The following STARD13 variants were observed in gnomAD, a reference collection of about 807,000 sequenced individuals.
STARD13 encodes the protein stAR-related lipid transfer protein 13.
STARD13 carries 62 observed loss-of-function variants against 106.4 expected under a neutral mutation model. The ratio of observed to expected loss-of-function variants is 0.58; its 90% CI spans 0.48 to 0.72. STARD13 has a LOEUF of 0.72. Among genes scored for constraint, STARD13 ranks in the 30% least tolerant of loss-of-function variants. The pLI, the probability that STARD13 is intolerant of heterozygous loss-of-function variation, is 0.00. For synonymous variants in STARD13, 565 were observed against 553.0 expected (o/e 1.02, Z -0.31); for missense variants, 1,387 against 1,424.0 (o/e 0.97, Z 0.42).
chr13:33,229,584 C>A (rs1246597078), intron 1 of STARD13, among the ~76,000 whole-genome samples: 1 of 152,190 alleles, frequency 6.6e-6, no homozygotes, highest in Non-Finnish European at 1.5e-5. Context: ...CCGTGCCAGG[C>A]ATGGACACGC....
exon 1 of STARD13, chr13:33,350,453 G>A: frequency 1.3e-6 from 2 of 1,513,638 alleles, no homozygotes; most frequent in East Asian, 2.5e-5. Flanking sequence ...GCTCTCCACC[G>A]CCACTCCCGC....
the STARD13 span, among the ~76,000 whole-genome samples, chr13:33,568,067 T>C: frequency 6.7e-6 from 1 of 148,318 alleles, no homozygotes; most frequent in Non-Finnish European, 1.5e-5. Context: ...TCAATATATT[T>C]TAAAGGATTA....
intron 1 of STARD13, among the ~76,000 whole-genome samples, chr13:33,339,681 C>T (rs367938463): frequency 9.9e-5 from 15 of 152,078 alleles, no homozygotes; most frequent in Admixed American, 4.6e-4. Flanking sequence ...AGAATAAAAC[C>T]TTCTATAAGA....
intron 1 of STARD13, among the ~76,000 whole-genome samples, chr13:33,262,664 C>CA (rs1420640034): frequency 2.2e-5 from 3 of 134,894 alleles, no homozygotes; most frequent in African/African-American, 8.2e-5. Flanking sequence ...ACACACACAA[C>CA]ACACACACAC....
chr13:33,577,674 A>G, the STARD13 span, among the ~76,000 whole-genome samples: 6 of 152,126 alleles, frequency 3.9e-5, no homozygotes, highest in African/African-American at 1.4e-4. Context: ...CAAAATAATG[A>G]ATCTAGACAC....
chr13:33,253,965 A>G (rs748973685), intron 1 of STARD13, among the ~76,000 whole-genome samples: 2 of 152,236 alleles, frequency 1.3e-5, no homozygotes, highest in Non-Finnish European at 2.9e-5. Flanking sequence ...TCAATTGGTG[A>G]TCAAATTGTA....
chr13:33,148,039 A>G (rs1377398425), intron 3 of STARD13, among the ~76,000 whole-genome samples: 1 of 152,248 alleles, frequency 6.6e-6, no homozygotes, highest in Non-Finnish European at 1.5e-5. Context: ...TAGTCTAGAC[A>G]CAGACCTTAT....
At chr13:33,499,608 TTCTTCTTCTTCTTCTTCTTC>T in the STARD13 span, among the ~76,000 whole-genome samples, 46 of 71,068 alleles carry the variant, frequency 6.5e-4, 1 homozygote, top group South Asian at 1.5e-3. Flanking sequence ...TTCTTCTTTC[TTCTTCTTCTTCTTCTTCTTC>T]TTCTTCTTCT....
chr13:33,435,062 C>A, the STARD13 span, among the ~76,000 whole-genome samples: 1 of 152,124 alleles, frequency 6.6e-6, no homozygotes, highest in Non-Finnish European at 1.5e-5. Flanking sequence ...AAACAGGTGG[C>A]ATTTAGGTTT....
chr13:33,120,014 T>C (rs1052270125), intron 7 of STARD13, among the ~76,000 whole-genome samples: 2 of 152,248 alleles, frequency 1.3e-5, no homozygotes, highest in South Asian at 2.1e-4. Context: ...TCTGCTTTTC[T>C]GATTTTGGAA....
chr13:33,123,806 C>T (rs915194269), intron 7 of STARD13, among the ~76,000 whole-genome samples: 4 of 152,150 alleles, frequency 2.6e-5, no homozygotes, highest in African/African-American at 9.7e-5. Flanking sequence ...ATATGCGAGG[C>T]GAGTGTTTAG....
chr13:33,239,611 G>A (rs1889366269), intron 1 of STARD13, among the ~76,000 whole-genome samples: 2 of 152,054 alleles, frequency 1.3e-5, no homozygotes, highest in South Asian at 4.1e-4. Flanking sequence ...ATCTCATTGT[G>A]GTTTTTATTT....
At chr13:33,489,738 G>C in the STARD13 span, among the ~76,000 whole-genome samples, 62 of 152,164 alleles carry the variant, frequency 4.1e-4, no homozygotes, top group African/African-American at 1.3e-3. Context: ...CATTTGAAAA[G>C]CTCAAGAAAC....
At chr13:33,366,380 TA>T in the STARD13 span, among the ~76,000 whole-genome samples, 3 of 152,328 alleles carry the variant, frequency 2.0e-5, no homozygotes, top group African/African-American at 7.2e-5. The surrounding 1 kb of genome is among the most constrained non-coding windows in gnomAD (Gnocchi z 4.2). Context: ...CTGGACACTG[TA>T]AATTTTCAGA....
the STARD13 span, among the ~76,000 whole-genome samples, chr13:33,357,941 G>C: frequency 6.6e-6 from 1 of 152,234 alleles, no homozygotes; most frequent in Admixed American, 6.5e-5. Flanking sequence ...GCTGGCCAAG[G>C]CTGGAGCCCA....
chr13:33,460,361 C>T, the STARD13 span, among the ~76,000 whole-genome samples: 8 of 151,564 alleles, frequency 5.3e-5, no homozygotes, highest in Admixed American at 1.3e-4. Flanking sequence ...TGTGGTGCCA[C>T]GTGCCTGTAG....
chr13:33,357,090 G>A, the STARD13 span, among the ~76,000 whole-genome samples: 700 of 152,310 alleles, frequency 4.6e-3, 4 homozygotes, highest in Non-Finnish European at 7.8e-3. Context: ...TGCATATGGA[G>A]CAAGTACATT....
the STARD13 span, among the ~76,000 whole-genome samples, chr13:33,494,938 G>T: frequency 6.6e-6 from 1 of 152,018 alleles, no homozygotes; most frequent in Admixed American, 6.6e-5. Context: ...CTCTACTTAG[G>T]GTTCCCACGA....
the STARD13 span, among the ~76,000 whole-genome samples, chr13:33,650,836 C>T: frequency 6.6e-6 from 1 of 152,260 alleles, no homozygotes. Flanking sequence ...CCAGAGCCCG[C>T]TTTCTGCCTT....
Sources: gnomAD v4.1 joint callset for allele counts (sites outside exome capture counted in the v4.1 genomes callset) on GRCh38, gnomAD v4.1.1 for gene constraint, Gnocchi (gnomAD v3.1) non-coding constraint, MANE v1.5 for transcripts, NCBI Gene and HGNC (gene_info 2026-07-23, HGNC 2026-07-21) for gene names.